The following ADGRB3 variants were observed in gnomAD, a reference collection of about 807,000 sequenced individuals.
The protein encoded by ADGRB3 is adhesion G protein-coupled receptor B3, also known as brain-specific angiogenesis inhibitor 3.
In ADGRB3, 37 loss-of-function variants were observed where a neutral mutation model predicts 193.4. The ratio of observed to expected loss-of-function variants is 0.19; its 90% confidence interval spans 0.15 to 0.25. The LOEUF (loss-of-function observed/expected upper bound fraction) is 0.25, where lower values mean the gene tolerates loss of function less well. Ranked by LOEUF, ADGRB3 falls within the 10% of genes least tolerant of loss-of-function variation. The pLI, the probability that ADGRB3 is intolerant of heterozygous loss-of-function variation, is 1.00. For missense variants in ADGRB3, 1,637 were observed against 1,852.9 expected (o/e 0.88, Z 2.14); for synonymous variants, 690 against 644.2 (o/e 1.07, Z -1.08).
intron 3 of ADGRB3, among the ~76,000 whole-genome samples, chr6:68,717,468 A>G (rs1021028407): frequency 6.6e-6 from 1 of 151,746 alleles, no homozygotes; most frequent in Non-Finnish European, 1.5e-5. Flanking sequence ...TATTTTATAG[A>G]AAGTCTTCCT....
At chr6:69,253,341 C>CA (rs1426176970) in intron 20 of ADGRB3, among the ~76,000 whole-genome samples, 1 of 151,918 alleles carries the variant, frequency 6.6e-6, no homozygotes, top group Non-Finnish European at 1.5e-5. Flanking sequence ...CAATTTTATA[C>CA]AAAAAAGTGT....
At chr6:68,928,352 C>G (rs1436235502) in intron 3 of ADGRB3, among the ~76,000 whole-genome samples, 1 of 152,022 alleles carries the variant, frequency 6.6e-6, no homozygotes, top group African/African-American at 2.4e-5. Flanking sequence ...ATAGTGAGAC[C>G]TGCTCCAACA....
intron 17 of ADGRB3, among the ~76,000 whole-genome samples, chr6:69,210,361 T>A (rs1475404773): frequency 2.6e-5 from 4 of 151,418 alleles, no homozygotes; most frequent in African/African-American, 9.7e-5. Flanking sequence ...TCTTTTCACA[T>A]TTCTCTGCCT....
chr6:68,635,616 G>C lies in ADGRB3; in HGVS notation c.-572G>C, dbSNP rs74853529. On this transcript the variant is annotated 5_prime_UTR_variant, in exon 1 of 32. Transcript: ENST00000370598. The stretch of plus-strand genomic sequence containing the variant: ...GCTTTCTTTGCTTCTTGGTTTGTTG[G>C]GGGTAGCTTTTATGAAACAAATCTT... 5.4e-3 allele frequency: 829 copies of C among 152,950 alleles called. 13 individuals carry two copies. The highest frequency in any genetic ancestry group is 0.019 in the African/African-American group (794 of 41,532). The allele number at this position is 152,950 out of a possible 1,614,324, so 9.5% of individuals were successfully genotyped here. A position where few individuals can be genotyped will look rare whatever the true frequency, so the allele number is the denominator to read the frequency against.
chr6:69,143,128 G>A (rs1774386573), intron 17 of ADGRB3, among the ~76,000 whole-genome samples: 1 of 152,168 alleles, frequency 6.6e-6, no homozygotes, highest in Non-Finnish European at 1.5e-5. Flanking sequence ...TTTCTCTGAT[G>A]ATCAATGATA....
At chr6:68,833,829 C>G (rs896506396) in intron 3 of ADGRB3, among the ~76,000 whole-genome samples, 1 of 151,698 alleles carries the variant, frequency 6.6e-6, no homozygotes, top group Non-Finnish European at 1.5e-5. Context: ...ATAATCCAAA[C>G]AAATATATTT....
intron 31 of ADGRB3, among the ~76,000 whole-genome samples, chr6:69,384,798 C>T (rs925289483): frequency 7.2e-5 from 11 of 151,890 alleles, no homozygotes; most frequent in African/African-American, 1.7e-4. Context: ...GAAAAAAATG[C>T]GACTTCCTTA....
intron 8 of ADGRB3, among the ~76,000 whole-genome samples, chr6:68,962,406 C>T (rs1768261599): frequency 6.6e-6 from 1 of 152,092 alleles, no homozygotes; most frequent in African/African-American, 2.4e-5. Context: ...ACCAGATGCC[C>T]ATTATTCAAA....
chr6:69,076,441 A>G (rs1241649082), intron 17 of ADGRB3, among the ~76,000 whole-genome samples: 3 of 152,246 alleles, frequency 2.0e-5, no homozygotes, highest in East Asian at 1.9e-4. Flanking sequence ...CCTTGAATCT[A>G]TTATCAGAGT....
intron 17 of ADGRB3, among the ~76,000 whole-genome samples, chr6:69,225,540 A>G (rs986667696): frequency 6.6e-6 from 1 of 152,206 alleles, no homozygotes; most frequent in African/African-American, 2.4e-5. Flanking sequence ...ACCCTTTACC[A>G]GGTAGATGTC....
At chr6:69,149,790 T>C (rs1323915088) in intron 17 of ADGRB3, among the ~76,000 whole-genome samples, 2 of 152,146 alleles carry the variant, frequency 1.3e-5, no homozygotes, top group Non-Finnish European at 2.9e-5. Flanking sequence ...AGAGTAATGC[T>C]GCGGCTCTTG....
At chr6:68,946,193 G>T (rs62418267) in intron 6 of ADGRB3, among the ~76,000 whole-genome samples, 14,521 of 151,956 alleles carry the variant, frequency 0.096, 920 homozygotes, top group Non-Finnish European at 0.14. Flanking sequence ...TAATAACTAG[G>T]ATTTTTTTAA....
intron 3 of ADGRB3, among the ~76,000 whole-genome samples, chr6:68,726,436 A>G (rs1765675356): frequency 6.6e-6 from 1 of 151,584 alleles, no homozygotes. Flanking sequence ...GAACAGAAAG[A>G]TAGAGGTCAT....
intron 17 of ADGRB3, among the ~76,000 whole-genome samples, chr6:69,188,426 A>G (rs919693393): frequency 3.3e-5 from 5 of 152,116 alleles, no homozygotes; most frequent in Admixed American, 3.3e-4. Flanking sequence ...CTCTTGCCTC[A>G]GCCTCCCAAG....
At chr6:68,813,075 G>A (rs1006224366) in intron 3 of ADGRB3, among the ~76,000 whole-genome samples, 1 of 152,116 alleles carries the variant, frequency 6.6e-6, no homozygotes, top group Non-Finnish European at 1.5e-5. Flanking sequence ...TGTTGTGGGA[G>A]GGACCCAGGG....
chr6:69,001,402 T>C (rs898477041), intron 11 of ADGRB3, among the ~76,000 whole-genome samples: 1 of 151,800 alleles, frequency 6.6e-6, no homozygotes, highest in African/African-American at 2.4e-5. Flanking sequence ...CATAAAAGAG[T>C]TTGAACTTGA....
chr6:68,685,871 C>T (rs576041720), intron 3 of ADGRB3, among the ~76,000 whole-genome samples: 12 of 152,122 alleles, frequency 7.9e-5, no homozygotes, highest in South Asian at 4.2e-4. Flanking sequence ...CCAGCCTGGG[C>T]GACAGAGCGA....
intron 20 of ADGRB3, among the ~76,000 whole-genome samples, chr6:69,274,954 TC>T (rs1186027058): frequency 6.6e-6 from 1 of 152,196 alleles, no homozygotes; most frequent in Non-Finnish European, 1.5e-5. Context: ...TTAGGATTTT[TC>T]ATTTGGTGGA....
At chr6:68,698,372 C>T (rs1253629391) in intron 3 of ADGRB3, among the ~76,000 whole-genome samples, 1 of 151,738 alleles carries the variant, frequency 6.6e-6, no homozygotes, top group African/African-American at 2.4e-5. Flanking sequence ...AAATAGAAAC[C>T]AATGAGGAGG....
Sources: gnomAD v4.1 joint callset for allele counts (sites outside exome capture counted in the v4.1 genomes callset) on GRCh38, gnomAD v4.1.1 for gene constraint, MANE v1.5 for transcripts, NCBI Gene and HGNC (gene_info 2026-07-23, HGNC 2026-07-21) for gene names.